The following PRKCE variants were observed in gnomAD, a reference collection of about 807,000 sequenced individuals.
PRKCE encodes the protein protein kinase C epsilon type.
PRKCE carries 16 observed loss-of-function variants against 85.4 expected under a neutral mutation model. The observed-to-expected ratio is 0.19, with a 90% CI of 0.13 to 0.28. The LOEUF (loss-of-function observed/expected upper bound fraction) is 0.28, where lower values mean the gene tolerates loss of function less well. Ranked by LOEUF, PRKCE falls within the 10% of genes least tolerant of loss-of-function variation. PRKCE has a pLI of 1.00. For synonymous variants in PRKCE, 388 were observed against 371.5 expected (o/e 1.04, Z -0.51); for missense variants, 573 against 975.2 (o/e 0.59, Z 5.49).
chr2:45,818,235 G>A (rs1296637191), intron 1 of PRKCE, among the ~76,000 whole-genome samples: 1 of 152,170 alleles, frequency 6.6e-6, no homozygotes, highest in Non-Finnish European at 1.5e-5. Flanking sequence ...ACATCAAAAG[G>A]TTCATTCCAA....
At chr2:46,181,923 C>T (rs1431249449) in intron 14 of PRKCE, among the ~76,000 whole-genome samples, 1 of 152,092 alleles carries the variant, frequency 6.6e-6, no homozygotes, top group Non-Finnish European at 1.5e-5. Context: ...GAAGGCATCT[C>T]CTGCCTACAC....
chr2:45,866,039 C>T (rs973900801), intron 2 of PRKCE, among the ~76,000 whole-genome samples: 40 of 152,058 alleles, frequency 2.6e-4, no homozygotes, highest in Admixed American at 2.4e-3. Flanking sequence ...AGGCTGGTCT[C>T]GAACTTCTGG....
At chr2:45,938,266 A>G (rs563047948) in intron 2 of PRKCE, among the ~76,000 whole-genome samples, 21 of 152,272 alleles carry the variant, frequency 1.4e-4, no homozygotes, top group South Asian at 8.3e-4. Flanking sequence ...GCTGGTGTAG[A>G]TGGCTTGGCT....
At chr2:45,858,301 T>C (rs1011144358) in intron 2 of PRKCE, among the ~76,000 whole-genome samples, 1 of 152,152 alleles carries the variant, frequency 6.6e-6, no homozygotes, top group Non-Finnish European at 1.5e-5. Flanking sequence ...CAAACCAGCG[T>C]CTTTTGGATT....
At chr2:46,173,236 G>A (rs963248713) in intron 14 of PRKCE, among the ~76,000 whole-genome samples, 2 of 152,232 alleles carry the variant, frequency 1.3e-5, no homozygotes, top group African/African-American at 4.8e-5. Flanking sequence ...TGCCCATAAA[G>A]TTTTATCGGA....
At chr2:45,910,856 C>T (rs978327605) in intron 2 of PRKCE, among the ~76,000 whole-genome samples, 4 of 152,144 alleles carry the variant, frequency 2.6e-5, no homozygotes, top group Admixed American at 6.5e-5. Context: ...CAGAGTCCCA[C>T]GCTGGTCCTG....
intron 2 of PRKCE, among the ~76,000 whole-genome samples, chr2:45,944,473 C>G (rs1468163040): frequency 6.6e-6 from 1 of 151,936 alleles, no homozygotes; most frequent in East Asian, 1.9e-4. Context: ...TATGTAAATT[C>G]GTCCTCAATT....
chr2:45,751,777 T>C (rs1295927980), intron 1 of PRKCE, among the ~76,000 whole-genome samples: 5 of 151,372 alleles, frequency 3.3e-5, no homozygotes, highest in Non-Finnish European at 7.4e-5. Flanking sequence ...CCCCCAGTGC[T>C]GTTCTAACTC....
At chr2:46,141,246 C>G (rs1248531713) in intron 11 of PRKCE, among the ~76,000 whole-genome samples, 1 of 152,096 alleles carries the variant, frequency 6.6e-6, no homozygotes, top group East Asian at 1.9e-4. Context: ...TAAATGTCCC[C>G]CAATAAATAC....
At chr2:45,961,273 G>C (rs943445030) in intron 2 of PRKCE, among the ~76,000 whole-genome samples, 3 of 152,120 alleles carry the variant, frequency 2.0e-5, no homozygotes, top group Admixed American at 2.0e-4. Context: ...ACAAGTCTCA[G>C]AGTTAAAAAC....
chr2:46,109,142 TTTC>T (rs1384124426), intron 11 of PRKCE, among the ~76,000 whole-genome samples: 2 of 152,288 alleles, frequency 1.3e-5, no homozygotes, highest in Admixed American at 6.5e-5. Flanking sequence ...GTCCCCCAAC[TTTC>T]TTCTTCTTCA....
At chr2:46,061,853 C>A (rs199991780) in intron 10 of PRKCE, among the ~76,000 whole-genome samples, 1 of 107,816 alleles carries the variant, frequency 9.3e-6, no homozygotes, top group Non-Finnish European at 1.8e-5. Flanking sequence ...CTTTTCTTTT[C>A]TTTTTCTTTT....
chr2:45,993,268 C>T (rs1703956546), intron 6 of PRKCE, among the ~76,000 whole-genome samples: 1 of 152,232 alleles, frequency 6.6e-6, no homozygotes, highest in Non-Finnish European at 1.5e-5. Flanking sequence ...CCAGTGACAC[C>T]TGCAGCCTCC....
intron 10 of PRKCE, among the ~76,000 whole-genome samples, chr2:46,085,988 C>T (rs530431646): frequency 1.1e-4 from 16 of 152,222 alleles, no homozygotes; most frequent in Admixed American, 5.2e-4. Flanking sequence ...TGATGCCCAC[C>T]GAAGGCGGAC....
chr2:46,032,516 G>C (rs1177320788), intron 10 of PRKCE, among the ~76,000 whole-genome samples: 1 of 152,114 alleles, frequency 6.6e-6, no homozygotes, highest in East Asian at 1.9e-4. Context: ...CTTCCCGCTG[G>C]TTGTCCCCAG....
intron 1 of PRKCE, among the ~76,000 whole-genome samples, chr2:45,812,266 G>A (rs887620671): frequency 1.3e-5 from 2 of 152,232 alleles, no homozygotes; most frequent in East Asian, 1.9e-4. Flanking sequence ...TCGCTCAAAT[G>A]TAAGGGATTA....
chr2:46,051,352 C>T (rs369210339), intron 10 of PRKCE, among the ~76,000 whole-genome samples: 16 of 152,298 alleles, frequency 1.1e-4, no homozygotes, highest in African/African-American at 3.8e-4. Context: ...CACCTTCTCT[C>T]TGATCTGTGA....
At chr2:45,876,559 C>A (rs770810637) in intron 2 of PRKCE, among the ~76,000 whole-genome samples, 1 of 152,192 alleles carries the variant, frequency 6.6e-6, no homozygotes, top group African/African-American at 2.4e-5. Context: ...TTGCCTAACC[C>A]TGTATAGACT....
intron 14 of PRKCE, among the ~76,000 whole-genome samples, chr2:46,170,663 G>T (rs536818992): frequency 1.9e-4 from 29 of 152,152 alleles, no homozygotes; most frequent in Non-Finnish European, 3.7e-4. Flanking sequence ...CTCAAGATCA[G>T]TTCCAGTATA....
Sources: gnomAD v4.1 joint callset for allele counts (sites outside exome capture counted in the v4.1 genomes callset) on GRCh38, gnomAD v4.1.1 for gene constraint, MANE v1.5 for transcripts, NCBI Gene and HGNC (gene_info 2026-07-23, HGNC 2026-07-21) for gene names.